The following NLGN1 variants were observed in gnomAD, a reference collection of about 807,000 sequenced individuals.
NLGN1 encodes neuroligin 1.
Under a neutral mutation model 65.5 loss-of-function variants are expected in NLGN1, and 12 were observed. The observed-to-expected ratio is 0.18, with a 90% confidence interval of 0.12 to 0.30. NLGN1 has a LOEUF of 0.30. Among genes scored for constraint, NLGN1 ranks in the 10% least tolerant of loss-of-function variants. The probability of loss-of-function intolerance (pLI) is 1.00; values close to 1 mark genes in which losing one functional copy is unlikely to be tolerated. For missense variants in NLGN1, 750 were observed against 1,007.1 expected (o/e 0.74, Z 3.46); for synonymous variants, 350 against 359.5 (o/e 0.97, Z 0.30).
rs192126923 is a variant in NLGN1 at position 173,889,990 on chromosome 3, T to G, written c.646+82158T>G. On this transcript the variant is annotated intron_variant, in intron 4 of 6. Coordinates refer to ENST00000457714, the Ensembl canonical transcript of NLGN1. ...CTTCTCTTTTGTGTATGTATGAGGG[T>G]GTGTGTGTGTGTGTGTGTGTGTTTA... 5.5e-3 allele frequency among the ~76,000 whole-genome samples: 777 copies of G among 140,566 alleles called. 8 individuals are homozygous for G. Among genetic ancestry groups the G allele is most frequent in the South Asian group, 0.027 (128 of 4,690 alleles). 92.2% of individuals were successfully genotyped at this position (140,566 alleles called of 152,430 possible). A position where few individuals can be genotyped will look rare whatever the true frequency, so the allele number is the denominator to read the frequency against.
chr3:173,398,497 A>G (rs946405746), intron 1 of NLGN1: 3 of 152,210 alleles, frequency 2.0e-5, no homozygotes, highest in Non-Finnish European at 4.4e-5. Context: ...TGTGAGTAGA[A>G]ATGAAAAACC....
At chr3:173,613,061 G>T (rs1752548598) in intron 3 of NLGN1, among the ~76,000 whole-genome samples, 1 of 152,056 alleles carries the variant, frequency 6.6e-6, no homozygotes, top group South Asian at 2.1e-4. Flanking sequence ...GGTCACATTT[G>T]AGGTACTCAG....
intron 3 of NLGN1, among the ~76,000 whole-genome samples, chr3:173,700,439 T>C (rs977077025): frequency 4.6e-5 from 7 of 152,248 alleles, no homozygotes; most frequent in African/African-American, 1.7e-4. Context: ...TACTTTGTAC[T>C]CTACAGGCAG....
intron 2 of NLGN1, among the ~76,000 whole-genome samples, chr3:173,460,387 T>C (rs897537549): frequency 1.2e-4 from 19 of 152,132 alleles, no homozygotes; most frequent in African/African-American, 4.6e-4. Flanking sequence ...TACAAAATTA[T>C]AAAAAGCTGG....
chr3:173,994,430 T>A (rs901087089), intron 4 of NLGN1, among the ~76,000 whole-genome samples: 4 of 140,772 alleles, frequency 2.8e-5, no homozygotes, highest in Admixed American at 2.2e-4. Context: ...GATTTTCTTT[T>A]GTATGAAAAT....
At chr3:173,788,534 A>G (rs573168163) in intron 3 of NLGN1, among the ~76,000 whole-genome samples, 1 of 152,230 alleles carries the variant, frequency 6.6e-6, no homozygotes, top group Admixed American at 6.5e-5. Flanking sequence ...AAATGATCCT[A>G]TGAAATTGGT....
intron 4 of NLGN1, among the ~76,000 whole-genome samples, chr3:174,189,698 T>C (rs1358382544): frequency 6.7e-6 from 1 of 149,008 alleles, no homozygotes; most frequent in Non-Finnish European, 1.5e-5. Context: ...TATCCAAATA[T>C]CTAGTATCCA....
chr3:174,164,671 G>A (rs1258693707), intron 4 of NLGN1, among the ~76,000 whole-genome samples: 2 of 151,982 alleles, frequency 1.3e-5, no homozygotes, highest in East Asian at 3.9e-4. Context: ...ATGGTTGTAG[G>A]TGTGTGGTTT....
intron 4 of NLGN1, among the ~76,000 whole-genome samples, chr3:174,113,052 TAG>T (rs1416075927): frequency 2.0e-5 from 3 of 151,908 alleles, no homozygotes; most frequent in Admixed American, 2.0e-4. Context: ...GAAATATTGT[TAG>T]ATAGGATGGA....
chr3:173,850,418 T>G (rs1726685864), intron 4 of NLGN1, among the ~76,000 whole-genome samples: 1 of 152,194 alleles, frequency 6.6e-6, no homozygotes, highest in Non-Finnish European at 1.5e-5. Flanking sequence ...CACTGTGTTG[T>G]GATTTCTGGG....
chr3:174,178,452 A>G (rs1280763884), intron 4 of NLGN1, among the ~76,000 whole-genome samples: 2 of 152,190 alleles, frequency 1.3e-5, no homozygotes, highest in Non-Finnish European at 2.9e-5. Context: ...TTGCTTTGGC[A>G]TAATTGTTAT....
chr3:174,028,210 G>C (rs2152468665), intron 4 of NLGN1, among the ~76,000 whole-genome samples: 1 of 152,314 alleles, frequency 6.6e-6, no homozygotes, highest in Non-Finnish European at 1.5e-5. Context: ...CCAAAAATGT[G>C]GAAGTGACTT....
intron 4 of NLGN1, among the ~76,000 whole-genome samples, chr3:174,195,022 T>C (rs6445153): frequency 0.21 from 31,498 of 151,992 alleles, 3,695 homozygotes; most frequent in African/African-American, 0.31. Context: ...CCACTACGTC[T>C]GGCTAATTTT....
intron 4 of NLGN1, among the ~76,000 whole-genome samples, chr3:174,108,806 A>G (rs1714552876): frequency 2.0e-5 from 3 of 152,088 alleles, no homozygotes; most frequent in Non-Finnish European, 4.4e-5. Flanking sequence ...GGTCAAGGAA[A>G]GCAACTTAGT....
chr3:174,141,014 G>A (rs2152688661), intron 4 of NLGN1, among the ~76,000 whole-genome samples: 1 of 152,104 alleles, frequency 6.6e-6, no homozygotes, highest in South Asian at 2.1e-4. Flanking sequence ...TGCAATTTCA[G>A]TTAAAGGAAA....
chr3:173,967,585 AG>A (rs769041478), intron 4 of NLGN1, among the ~76,000 whole-genome samples: 14 of 152,274 alleles, frequency 9.2e-5, no homozygotes, highest in South Asian at 8.3e-4. Flanking sequence ...TATATAATTT[AG>A]CTTCTCAGAA....
rs75387554 is a variant in NLGN1, at chr3:174,016,733, A to G, written c.646+208901A>G. Among the ~76,000 whole-genome samples the G allele has an allele frequency of 3.2e-3, 484 of 152,278 alleles. 21 individuals are homozygous for G. The East Asian group carries it at 0.077, about 24-fold the overall frequency. ...ATTTTCATTCTCTATTTTTGTATTA[A>G]AAGTAATACAAAGAATATCTTAATT... On this transcript the variant is annotated intron_variant, in intron 4 of 6. Transcript: ENST00000457714.
At chr3:174,287,466 G>T (rs1191473131), downstream of NLGN1, among the ~76,000 whole-genome samples, 1 of 151,366 alleles carries the variant, frequency 6.6e-6, no homozygotes, top group Non-Finnish European at 1.5e-5. Context: ...CCATAAAAGG[G>T]TTTTGATGTT....
intron 4 of NLGN1, among the ~76,000 whole-genome samples, chr3:173,875,269 C>T (rs1731907169): frequency 6.6e-6 from 1 of 152,070 alleles, no homozygotes; most frequent in Non-Finnish European, 1.5e-5. Context: ...TGACAGTGAC[C>T]CTCTGCCATC....
Sources: gnomAD v4.1 joint callset for allele counts (sites outside exome capture counted in the v4.1 genomes callset) on GRCh38, gnomAD v4.1.1 for gene constraint, MANE v1.5 for transcripts, NCBI Gene and HGNC (gene_info 2026-07-23, HGNC 2026-07-21) for gene names.